EFNA4: variants seen among roughly 807,000 people sequenced by gnomAD.
EFNA4 encodes the protein ephrin-A4.
EFNA4 carries 22 observed loss-of-function variants against 23.7 expected under a neutral mutation model. The observed-to-expected ratio is 0.93, with a 90% CI of 0.66 to 1.32. The LOEUF is 1.32. Among genes scored for constraint, EFNA4 ranks in the 40% most tolerant of loss-of-function variants. EFNA4 has a pLI of 0.00. For synonymous variants in EFNA4, 113 were observed against 108.3 expected (o/e 1.04, Z -0.27); for missense variants, 252 against 252.3 (o/e 1.00, Z 0.01).
intron 3 of EFNA4, among the ~76,000 whole-genome samples, chr1:155,068,427 ATTTTTTTTTTTTTTTTTTTT>A (rs71077978): frequency 1.7e-3 from 42 of 25,384 alleles, no homozygotes; most frequent in African/African-American, 6.8e-3. Flanking sequence ...CACCCAGCTG[ATTTTTTTTTTTTTTTTTTTT>A]TTTTTTTTTT....
chr1:155,065,266 G>A (rs1441401221), intron 1 of EFNA4, among the ~76,000 whole-genome samples: 1 of 152,168 alleles, frequency 6.6e-6, no homozygotes, highest in Non-Finnish European at 1.5e-5. Flanking sequence ...GTCGTCCTTG[G>A]ACCACCCACT....
In EFNA4 at chr1:155,063,863, G is replaced by A. The variant is rs1006894326; in HGVS notation, c.40G>A (p.Ala14Thr). The A allele has an allele frequency of 1.7e-5, 26 of 1,553,988 alleles. No individual in the cohort carries two copies. Among genetic ancestry groups the A allele is most frequent in the Non-Finnish European group, 2.1e-5 (24 of 1,150,810 alleles). ...CCTGCTGCGGACTGTCCTCTGGGCC[G>A]CGTTCCTCGGCTCCCCTCTGCGCGG... is the stretch of plus-strand genomic sequence containing the variant. ...LPLLRTVLWA[A>T]FLGSPLRGGS... Residue 14 changes from alanine to threonine, a missense_variant, in exon 1 of 4, where the codon GCG (alanine) becomes ACG (threonine). Physicochemically the swap from Ala to Thr is moderately conservative, Grantham distance 58. Transcript: ENST00000368409. The surrounding 1 kb of genome is among the most constrained non-coding windows in gnomAD (Gnocchi z 4.1).
At chr1:155,068,393 G>GTAGC (rs961970208) in intron 3 of EFNA4, among the ~76,000 whole-genome samples, 4 of 135,858 alleles carry the variant, frequency 2.9e-5, no homozygotes, top group African/African-American at 1.1e-4. Flanking sequence ...AGTATTCCGA[G>GTAGC]TAGCTAGGAC....
Position 155,063,954 on chromosome 1 carries a change from G to GGCGAGCGCACAGCCAAGTCTGC in EFNA4, c.113+22_113+43dup. The stretch of plus-strand genomic sequence containing the variant: ...AACCCCAGGTAGCCGGGCCGAACCG[G>GGCGAGCGCACAGCCAAGTCTGC]GCGAGCGCACAGCCAAGTCTGCGCG... On this transcript the variant is annotated intron_variant, in intron 1 of 3. Transcript: ENST00000368409. The surrounding 1 kb of genome is among the most constrained non-coding windows in gnomAD (Gnocchi z 4.1). The GGCGAGCGCACAGCCAAGTCTGC allele has an allele frequency of 6.5e-7, 1 of 1,530,374 alleles. No individual in the cohort carries two copies. The highest frequency in any genetic ancestry group is 8.8e-7 in the Non-Finnish European group (1 of 1,139,118). 94.8% of individuals were successfully genotyped at this position (1,530,374 alleles called of 1,614,324 possible). A position where few individuals can be genotyped will look rare whatever the true frequency, so the allele number is the denominator to read the frequency against.
chr1:155,068,322 G>A (rs538300056), intron 3 of EFNA4, among the ~76,000 whole-genome samples: 3 of 149,432 alleles, frequency 2.0e-5, no homozygotes, highest in Admixed American at 6.7e-5. Flanking sequence ...CTGGAGTACA[G>A]TGGTGCGATC....
At position 155,063,877 on chromosome 1, in the gene EFNA4, C is replaced by G. The variant is rs1662890317; in HGVS notation, c.54C>G (p.Ser18=). Residue 18 remains serine (S), a synonymous_variant, in exon 1 of 4, where the codon TCC becomes TCG. Coordinates refer to ENST00000368409, the MANE Select transcript of EFNA4 (RefSeq NM_005227.3). This position sits in a 1 kb window ranked among gnomAD's most constrained non-coding sequence, Gnocchi z 4.1. ...TCCTCTGGGCCGCGTTCCTCGGCTC[C>G]CCTCTGCGCGGGGGCTCCAGCCTCC... ...RTVLWAAFLG[S]PLRGGSSLRH... The G allele has an allele frequency of 6.4e-7, 1 of 1,563,502 alleles. No individual in the cohort carries two copies. The highest frequency in any genetic ancestry group is 8.6e-7 in the Non-Finnish European group (1 of 1,156,102).
rs888731911 is a variant in EFNA4, at chr1:155,069,276, T to C, written c.*287T>C. ...GTCTCAGCCCATCCCCCAGGAGGACTGGGATTTGGTATGATCAAATCCTCA... is the reference window on the plus strand; with the variant it reads ...GTCTCAGCCCATCCCCCAGGAGGACCGGGATTTGGTATGATCAAATCCTCA... On this transcript the variant is annotated 3_prime_UTR_variant, in exon 4 of 4. Coordinates refer to ENST00000368409, the MANE Select transcript of EFNA4 (RefSeq NM_005227.3). 9.7e-6 allele frequency: 13 copies of C among 1,340,426 alleles called. No individual in the cohort carries two copies. The highest frequency in any genetic ancestry group is 1.3e-5 in the Non-Finnish European group (13 of 1,003,546). 83.0% of individuals were successfully genotyped at this position (1,340,426 alleles called of 1,614,324 possible).
At chr1:155,065,322 G>C (rs1662986585) in intron 1 of EFNA4, among the ~76,000 whole-genome samples, 1 of 152,090 alleles carries the variant, frequency 6.6e-6, no homozygotes, top group Non-Finnish European at 1.5e-5. Context: ...TGGTATGGGG[G>C]GTGGTTCATG....
chr1:155,068,717 T>TCATA, intron 3 of EFNA4, 136 bp from the exon 4 acceptor site: 2 of 957,020 alleles, frequency 2.1e-6, no homozygotes, highest in Non-Finnish European at 1.5e-6. Flanking sequence ...AAGGATGAGG[T>TCATA]CATAGATCAT....
chr1:155,066,108 A>G (rs1440266376), intron 1 of EFNA4, among the ~76,000 whole-genome samples: 1 of 152,018 alleles, frequency 6.6e-6, no homozygotes. Context: ...GCCTCAAGCG[A>G]TCCTCCCACC....
chr1:155,068,785 A>T (rs1330277485), intron 3 of EFNA4, 68 bp from the exon 4 acceptor site: 1 of 1,500,366 alleles, frequency 6.7e-7, no homozygotes, highest in East Asian at 2.3e-5. Flanking sequence ...GGAACTGCTA[A>T]TGGGAAGGGG....
In EFNA4 at chr1:155,064,677, C is replaced by T. The variant is rs190314061; in HGVS notation, c.113+741C>T. ...TTAGTATATTTTACTGTTTCCATCC[C>T]CCTCCCCAAGTCTCCCTGCCTCTCC... On this transcript the variant is annotated intron_variant, in intron 1 of 3. Coordinates refer to ENST00000368409, the MANE Select transcript of EFNA4 (RefSeq NM_005227.3). Among the ~76,000 whole-genome samples, 199 of 152,298 alleles carry T rather than the reference C, an allele frequency of 1.3e-3. No individual in the cohort carries two copies. In the Middle Eastern group the frequency reaches 0.014, roughly 10 times the overall value.
intron 3 of EFNA4, among the ~76,000 whole-genome samples, chr1:155,068,040 C>T (rs1272994450): frequency 6.6e-6 from 1 of 152,180 alleles, no homozygotes; most frequent in East Asian, 1.9e-4. Flanking sequence ...CCTGCCTTAG[C>T]TTCCCGAGTA....
intron 1 of EFNA4, among the ~76,000 whole-genome samples, chr1:155,064,326 C>T (rs1265599847): frequency 2.6e-5 from 4 of 152,218 alleles, no homozygotes; most frequent in Non-Finnish European, 5.9e-5. Context: ...TATGAAAGAG[C>T]GTGGGTTACT....
chr1:155,066,912 G>T lies in EFNA4; in HGVS notation c.296G>T (p.Cys99Phe). 1 of 1,614,176 alleles carries T rather than the reference G, an allele frequency of 6.2e-7. No homozygotes were observed. The highest frequency in any genetic ancestry group is 8.5e-7 in the Non-Finnish European group (1 of 1,180,044). Residue 99 changes from cysteine (C) to phenylalanine (F), a missense_variant, in exon 2 of 4, where the codon TGC becomes TTC. Coordinates refer to ENST00000368409, the MANE Select transcript of EFNA4 (RefSeq NM_005227.3). Reference sequence around the variant, plus strand: ...CCCCGGGCCTACAAGCGCTGGGTGTGCTCCCTGCCCTTTGGCCATGTTCAA... The same window carrying T: ...CCCCGGGCCTACAAGCGCTGGGTGTTCTCCCTGCCCTTTGGCCATGTTCAA... ...EGPRAYKRWV[C>F]SLPFGHVQFS...
chr1:155,069,020 AG>A lies in EFNA4; in HGVS notation c.*32del. The stretch of plus-strand genomic sequence containing the variant: ...GCAGACCTTCCCTCTCATCCCAAGG[AG>A]CCAGAGTCCTCCCAAGATCCCCTGG... On this transcript the variant is annotated 3_prime_UTR_variant, in exon 4 of 4. Transcript: ENST00000368409. The A allele has an allele frequency of 3.1e-6, 5 of 1,612,952 alleles. No homozygotes were observed. Among genetic ancestry groups the A allele is most frequent in the Non-Finnish European group, 4.2e-6 (5 of 1,179,388 alleles).
At chr1:155,064,670 T>TCCATCCCCCTCC (rs1434829941) in intron 1 of EFNA4, among the ~76,000 whole-genome samples, 1 of 152,226 alleles carries the variant, frequency 6.6e-6, no homozygotes, top group Non-Finnish European at 1.5e-5. Flanking sequence ...TTTTACTGTT[T>TCCATCCCCCTCC]CCATCCCCCT....
At position 155,069,502 on chromosome 1, in the gene EFNA4, T is replaced by G. The variant is rs554241024; in HGVS notation, c.*513T>G. The G allele has an allele frequency of 3.6e-6, 1 of 280,462 alleles. No individual in the cohort carries two copies. Among genetic ancestry groups the G allele is most frequent in the East Asian group, 8.2e-5 (1 of 12,158 alleles). The allele number at this position is 280,462 out of a possible 1,614,324, so 17.4% of individuals were successfully genotyped here. ...TCATGCCAGTTTGTATTTTTATAAGTATCTAGACCAAACCTTCAATAAACC... is the reference window on the plus strand; with the variant it reads ...TCATGCCAGTTTGTATTTTTATAAGGATCTAGACCAAACCTTCAATAAACC... On this transcript the variant is annotated 3_prime_UTR_variant, in exon 4 of 4. Transcript: ENST00000368409.
At chr1:155,066,288 C>T (rs906699823) in intron 1 of EFNA4, among the ~76,000 whole-genome samples, 1 of 152,218 alleles carries the variant, frequency 6.6e-6, no homozygotes, top group African/African-American at 2.4e-5. Flanking sequence ...GTTTCCACCT[C>T]TGTGTCTGCA....
Sources: allele counts gnomAD v4.1 joint callset (sites outside exome capture counted in the v4.1 genomes callset), GRCh38; gene constraint gnomAD v4.1.1; non-coding constraint Gnocchi (gnomAD v3.1); transcripts MANE v1.5; gene names NCBI Gene and HGNC (gene_info 2026-07-23, HGNC 2026-07-21).